Variants in GRIA3 observed in about 807,000 individuals in gnomAD.
The protein encoded by GRIA3 is glutamate ionotropic receptor AMPA type subunit 3, also known as glutamate receptor 3.
GRIA3 carries 3 observed loss-of-function variants against 63.0 expected under a neutral mutation model. The ratio of observed to expected loss-of-function variants is 0.05; its 90% confidence interval spans 0.02 to 0.12. GRIA3 has a LOEUF of 0.12. Among genes scored for constraint, GRIA3 ranks in the 10% least tolerant of loss-of-function variants. The pLI, the probability that GRIA3 is intolerant of heterozygous loss-of-function variation, is 1.00. For synonymous variants in GRIA3, 274 were observed against 257.9 expected, an observed-to-expected ratio of 1.06 and a Z score of -0.60; for missense variants, 347 against 700.9, an observed-to-expected ratio of 0.50 and a Z score of 5.70.
chrX:123,352,404 C>T (rs2045102426), intron 4 of GRIA3, among the ~76,000 whole-genome samples: 2 of 112,400 alleles, frequency 1.8e-5, no homozygotes, highest in South Asian at 7.4e-4. Context: ...AGACATTATC[C>T]AGTTTGATCC....
At chrX:123,475,991 T>G (rs1166215515) in intron 13 of GRIA3, among the ~76,000 whole-genome samples, 1 of 111,725 alleles carries the variant, frequency 9.0e-6, no homozygotes, top group Non-Finnish European at 1.9e-5. Flanking sequence ...CTTTTTGTAT[T>G]AAATAGACAC....
At chrX:123,330,336 T>C (rs2044932887) in intron 4 of GRIA3, among the ~76,000 whole-genome samples, 1 of 111,968 alleles carries the variant, frequency 8.9e-6, no homozygotes, top group Non-Finnish European at 1.9e-5. Flanking sequence ...TCAATCCTAG[T>C]AAGTGGCAGA....
At chrX:123,452,356 C>G (rs1466573974) in intron 12 of GRIA3, among the ~76,000 whole-genome samples, 2 of 106,694 alleles carry the variant, frequency 1.9e-5, no homozygotes, top group Non-Finnish European at 3.8e-5. Context: ...ACTAACACTC[C>G]CCCCCCAAAA....
intron 4 of GRIA3, among the ~76,000 whole-genome samples, chrX:123,328,132 G>A (rs1443100780): frequency 8.9e-6 from 1 of 111,745 alleles, no homozygotes; most frequent in Non-Finnish European, 1.9e-5. Flanking sequence ...TAGAAAAGTA[G>A]TGGGTAGAGC....
Position 123,428,158 on chromosome X carries a change from A to T in GRIA3, c.2076+19A>T, listed in dbSNP as rs2045599785. On this transcript the variant is annotated intron_variant, in intron 12 of 15. Coordinates refer to ENST00000620443, the MANE Select transcript of GRIA3 (RefSeq NM_007325.5). ...TTTCAGAGTAAGTGCTCTGCAGTTA[A>T]TTGAGCCTGCTGATATTTATTTTAT... 4 of 1,025,698 alleles carry T rather than the reference A, an allele frequency of 3.9e-6. No individual in the cohort carries two copies. Among genetic ancestry groups the T allele is most frequent in the Middle Eastern group, 2.5e-4 (1 of 3,938 alleles). The allele number at this position is 1,025,698 out of a possible 1,213,427, so 84.5% of individuals were successfully genotyped here.
chrX:123,271,933 G>C (rs1008333565), intron 3 of GRIA3, among the ~76,000 whole-genome samples: 1 of 111,626 alleles, frequency 9.0e-6, no homozygotes, highest in African/African-American at 3.3e-5. Context: ...TACTTTTAAA[G>C]ATGCTTTAGG....
intron 5 of GRIA3, among the ~76,000 whole-genome samples, chrX:123,380,214 G>A (rs1236220424): frequency 1.3e-4 from 14 of 110,928 alleles, no homozygotes; most frequent in African/African-American, 3.6e-4. Flanking sequence ...CTGAGGAATC[G>A]CCACACTGAC....
At chrX:123,356,709 A>G (rs2045136184) in intron 5 of GRIA3, among the ~76,000 whole-genome samples, 1 of 111,668 alleles carries the variant, frequency 9.0e-6, no homozygotes, top group South Asian at 3.8e-4. Context: ...ATGAATGACT[A>G]AGTTTGAGAT....
chrX:123,196,643 T>C (rs1226862307), intron 2 of GRIA3, among the ~76,000 whole-genome samples: 1 of 111,574 alleles, frequency 9.0e-6, no homozygotes, highest in Non-Finnish European at 1.9e-5. Context: ...CCATTTTTTC[T>C]AAGGGATAAT....
intron 2 of GRIA3, among the ~76,000 whole-genome samples, chrX:123,197,781 T>C (rs908102737): frequency 1.8e-5 from 2 of 112,624 alleles, no homozygotes; most frequent in East Asian, 5.6e-4. Context: ...ATCCCAACTC[T>C]TCCACTTACT....
rs193141445 is a variant in GRIA3, at chrX:123,294,610, T to C, written c.509-31416T>C. On this transcript the variant is annotated intron_variant, in intron 3 of 15. Transcript: ENST00000620443. Reference sequence around the variant, plus strand: ...AGGATTTTATGTCCCCAAAAGAGACTCCCTTTCAAACAGGAAAAGGAAGAA... The same window carrying C: ...AGGATTTTATGTCCCCAAAAGAGACCCCCTTTCAAACAGGAAAAGGAAGAA... Among the ~76,000 whole-genome samples, 276 of 110,734 alleles carry C rather than the reference T, an allele frequency of 2.5e-3. 1 individual carries two copies. Among genetic ancestry groups the C allele is most frequent in the African/African-American group, 8.5e-3 (259 of 30,586 alleles).
At chrX:123,195,667 C>T (rs904080501) in intron 2 of GRIA3, among the ~76,000 whole-genome samples, 1 of 111,449 alleles carries the variant, frequency 9.0e-6, no homozygotes, top group African/African-American at 3.3e-5. Flanking sequence ...CCTAGAAGGA[C>T]TGGGAGTGGA....
At chrX:123,245,001 C>A (rs550392594) in intron 2 of GRIA3, among the ~76,000 whole-genome samples, 3 of 112,097 alleles carry the variant, frequency 2.7e-5, no homozygotes, top group African/African-American at 9.7e-5. Flanking sequence ...TGGGAAAAGA[C>A]TGGAAGCAAC....
intron 12 of GRIA3, among the ~76,000 whole-genome samples, chrX:123,463,319 G>A (rs770063258): frequency 3.7e-5 from 4 of 108,827 alleles, no homozygotes; most frequent in African/African-American, 1.3e-4. Context: ...AGGCTGAGGA[G>A]GGAGATTCAC....
rs1225204665 is a variant in GRIA3 at position 123,403,184 on chromosome X, A to G, written c.1185+86A>G. On this transcript the variant is annotated intron_variant, in intron 8 of 15. Transcript: ENST00000620443. ...GTAAGAAAATAAGTATTATTATTTT[A>G]CAAAATATCAGTAAGGATGAGTGGG... 3 of 627,486 alleles carry G rather than the reference A, an allele frequency of 4.8e-6. No homozygotes were observed. The African/African-American group carries it at 6.6e-5, about 14-fold the overall frequency. 51.7% of individuals were successfully genotyped at this position (627,486 alleles called of 1,213,427 possible). A position where few individuals can be genotyped will look rare whatever the true frequency, so the allele number is the denominator to read the frequency against.
intron 5 of GRIA3, among the ~76,000 whole-genome samples, chrX:123,383,480 T>C (rs896557798): frequency 4.5e-5 from 5 of 111,436 alleles, no homozygotes; most frequent in African/African-American, 1.6e-4. Context: ...TTCTACTCTC[T>C]ACTTCCGTGA....
intron 12 of GRIA3, among the ~76,000 whole-genome samples, chrX:123,438,651 T>C (rs757675800): frequency 8.9e-6 from 1 of 111,807 alleles, no homozygotes; most frequent in African/African-American, 3.2e-5. Flanking sequence ...GCCTCCCAAG[T>C]AGCTGGGATT....
At chrX:123,257,131 A>T (rs2044424147) in intron 3 of GRIA3, among the ~76,000 whole-genome samples, 1 of 111,497 alleles carries the variant, frequency 9.0e-6, no homozygotes, top group Admixed American at 9.6e-5. Context: ...TTCATCTGGC[A>T]TTGAATATAA....
intron 12 of GRIA3, among the ~76,000 whole-genome samples, chrX:123,456,598 C>A (rs923162703): frequency 2.7e-5 from 3 of 110,665 alleles, no homozygotes; most frequent in African/African-American, 9.9e-5. Context: ...ATAGTCCTAC[C>A]CCACCCACCC....
Sources: allele counts gnomAD v4.1 joint callset (sites outside exome capture counted in the v4.1 genomes callset), GRCh38; gene constraint gnomAD v4.1.1; transcripts MANE v1.5; gene names NCBI Gene and HGNC (gene_info 2026-07-23, HGNC 2026-07-21).